The following ZFHX3 variants were observed in gnomAD, a reference collection of about 807,000 sequenced individuals.
The protein encoded by ZFHX3 is zinc finger homeobox 3.
A neutral mutation model predicts 279.1 loss-of-function variants in ZFHX3; 42 were observed. That is an observed-to-expected ratio of 0.15 (90% CI 0.12 to 0.19). The LOEUF (loss-of-function observed/expected upper bound fraction) is 0.19. Ranked by LOEUF, ZFHX3 falls within the 10% of genes least tolerant of loss-of-function variation. The pLI is 1.00. For synonymous variants in ZFHX3, 2,293 were observed against 1,957.8 expected (o/e 1.17, Z -4.52); for missense variants, 4,981 against 4,754.0 (o/e 1.05, Z -1.40).
At chr16:73,123,081 T>TCC (rs1181686674) in intron 7 of ZFHX3, among the ~76,000 whole-genome samples, 15 of 151,408 alleles carry the variant, frequency 9.9e-5, no homozygotes. Flanking sequence ...AAGAGGACAC[T>TCC]CCCCACCCTC....
intron 1 of ZFHX3, among the ~76,000 whole-genome samples, chr16:73,717,179 C>T (rs549916701): frequency 2.2e-4 from 34 of 152,312 alleles, no homozygotes; most frequent in Admixed American, 5.9e-4. Context: ...CACTTCTCCC[C>T]AGGGGGCTAA....
chr16:73,218,320 A>C (rs557546003), intron 5 of ZFHX3, among the ~76,000 whole-genome samples: 19 of 152,306 alleles, frequency 1.2e-4, no homozygotes, highest in Admixed American at 7.8e-4. Flanking sequence ...CATAACAGAG[A>C]TGCGATGATT....
At position 72,787,406 on chromosome 16, in the gene ZFHX3, C is replaced by G. The variant is rs1434854791; in HGVS notation, c.10870G>C (p.Ala3624Pro). ...RKSWPQVVSR[A>P]SAAKPPSFPP... ...AAAGAAGGGGGCTTCGCTGCCGAAG[C>G]CCGGGAGACCACTTGCGGCCAAGAC... Residue 3624 changes from alanine (A) to proline (P), a missense_variant, in exon 10 of 10, where the codon GCT becomes CCT. By Grantham distance (27) the Ala-to-Pro change is conservative. Around this residue, in one of 7 missense-constraint regions of ZFHX3, gnomAD observed 1,034 missense variants for 786.0 expected, o/e 1.32. Coordinates refer to ENST00000268489, the MANE Select transcript of ZFHX3 (RefSeq NM_006885.4). 1 of 1,602,046 alleles carries G rather than the reference C, an allele frequency of 6.2e-7. No individual in the cohort carries two copies. The highest frequency in any genetic ancestry group is 8.5e-7 in the Non-Finnish European group (1 of 1,172,000).
chr16:73,752,575 C>T (rs1475494866), intron 1 of ZFHX3, among the ~76,000 whole-genome samples: 1 of 152,140 alleles, frequency 6.6e-6, no homozygotes, highest in African/African-American at 2.4e-5. Flanking sequence ...CTTTTGGCAG[C>T]TATCAATCCC....
intron 3 of ZFHX3, among the ~76,000 whole-genome samples, chr16:72,909,973 G>A (rs1485785603): frequency 4.6e-5 from 7 of 151,228 alleles, no homozygotes; most frequent in African/African-American, 1.2e-4. Flanking sequence ...CTATTTAAGA[G>A]CCATTTAACT....
intron 1 of ZFHX3, among the ~76,000 whole-genome samples, chr16:72,968,128 T>C (rs148325082): frequency 8.6e-4 from 131 of 152,138 alleles, no homozygotes; most frequent in Non-Finnish European, 1.1e-3. Flanking sequence ...ATGTGCCTCC[T>C]GGTAGGATAC....
At chr16:73,428,112 A>C (rs1443406567) in intron 3 of ZFHX3, among the ~76,000 whole-genome samples, 1 of 152,144 alleles carries the variant, frequency 6.6e-6, no homozygotes, top group Non-Finnish European at 1.5e-5. Flanking sequence ...GAAAGGACAG[A>C]ATTTCTCATT....
intron 2 of ZFHX3, among the ~76,000 whole-genome samples, chr16:73,634,433 A>ATATATATATATAT (rs1197229737): frequency 4.2e-4 from 25 of 59,898 alleles, no homozygotes; most frequent in African/African-American, 1.0e-3. Context: ...TATTATGTAT[A>ATATATATATATAT]ATATATATAT....
intron 1 of ZFHX3, among the ~76,000 whole-genome samples, chr16:73,732,657 T>C (rs769947303): frequency 1.3e-4 from 20 of 152,240 alleles, no homozygotes; most frequent in African/African-American, 3.6e-4. Flanking sequence ...CACAGTTAAA[T>C]CTGAAAAATG....
chr16:73,372,760 T>A (rs928576696), intron 3 of ZFHX3, among the ~76,000 whole-genome samples: 2 of 152,168 alleles, frequency 1.3e-5, no homozygotes, highest in Non-Finnish European at 2.9e-5. Flanking sequence ...AATTTCCACA[T>A]GAATCACAGT....
At chr16:73,286,505 G>A (rs1437608602) in intron 4 of ZFHX3, among the ~76,000 whole-genome samples, 3 of 152,164 alleles carry the variant, frequency 2.0e-5, no homozygotes, top group African/African-American at 7.2e-5. Flanking sequence ...TCCAGACCCC[G>A]GTCTCCTTGG....
In ZFHX3 at chr16:72,797,239, A is replaced by G; in HGVS notation, c.5443T>C (p.Leu1815=). ...GTCAGTGCCCCACTGGTCACTGGCA[A>G]GCTCACCTCGGGGTTAAGCTGGAAC... is the stretch of plus-strand genomic sequence containing the variant. ...AEFQLNPEVS[L]PVTSGALTLT... The change falls in exon 9 of 10, where the codon TTG becomes CTG. Residue 1815 remains leucine, a synonymous_variant. Coordinates refer to ENST00000268489, the MANE Select transcript of ZFHX3 (RefSeq NM_006885.4). 2 of 1,613,878 alleles carry G rather than the reference A, an allele frequency of 1.2e-6. No individual in the cohort carries two copies. Among genetic ancestry groups the G allele is most frequent in the Non-Finnish European group, 1.7e-6 (2 of 1,179,934 alleles).
intron 4 of ZFHX3, among the ~76,000 whole-genome samples, chr16:73,310,012 G>A (rs1024884811): frequency 2.7e-5 from 4 of 145,948 alleles, no homozygotes; most frequent in African/African-American, 5.1e-5. Flanking sequence ...AGGTTCAAGC[G>A]ATTCTCCTGC....
chr16:73,003,363 C>T (rs1014815007), intron 1 of ZFHX3, among the ~76,000 whole-genome samples: 1 of 150,186 alleles, frequency 6.7e-6, no homozygotes, highest in African/African-American at 2.4e-5. Context: ...CCTTGTGAAG[C>T]TTAGATTCTA....
At chr16:73,704,292 A>T (rs2053282288) in intron 1 of ZFHX3, among the ~76,000 whole-genome samples, 1 of 152,204 alleles carries the variant, frequency 6.6e-6, no homozygotes, top group South Asian at 2.1e-4. Context: ...ATTAGAAGTC[A>T]TAGTTCCTGA....
intron 2 of ZFHX3, among the ~76,000 whole-genome samples, chr16:73,473,131 A>G (rs544328620): frequency 7.2e-5 from 11 of 151,740 alleles, no homozygotes; most frequent in Non-Finnish European, 1.6e-4. Flanking sequence ...ACTTGGGCTT[A>G]GGATCTCAAG....
chr16:73,854,326 G>C (rs1961663402), intron 1 of ZFHX3, among the ~76,000 whole-genome samples: 1 of 152,124 alleles, frequency 6.6e-6, no homozygotes, highest in Non-Finnish European at 1.5e-5. Context: ...AGGAGTTCAA[G>C]ACAAGCCTGG....
At chr16:73,880,243 C>T (rs973731309) in intron 1 of ZFHX3, among the ~76,000 whole-genome samples, 2 of 152,104 alleles carry the variant, frequency 1.3e-5, no homozygotes, top group Non-Finnish European at 2.9e-5. Context: ...ATGAAATCTT[C>T]CGGCAGGCAG....
chr16:72,803,723 A>G (rs971516642), intron 7 of ZFHX3, among the ~76,000 whole-genome samples: 2 of 152,240 alleles, frequency 1.3e-5, no homozygotes, highest in African/African-American at 4.8e-5. Context: ...TAATCCATAC[A>G]TCAATAAACA....
Sources: allele counts gnomAD v4.1 joint callset (sites outside exome capture counted in the v4.1 genomes callset), GRCh38; gene constraint gnomAD v4.1.1; regional missense constraint gnomAD v4.1.1; transcripts MANE v1.5; gene names NCBI Gene and HGNC (gene_info 2026-07-23, HGNC 2026-07-21).